The following SVEP1 variants were observed in gnomAD, a reference collection of about 807,000 sequenced individuals.
SVEP1 encodes sushi, von Willebrand factor type A, EGF and pentraxin domain-containing protein 1.
SVEP1 carries 164 observed loss-of-function variants against 367.3 expected under a neutral mutation model. The ratio of observed to expected loss-of-function variants is 0.45; its 90% confidence interval spans 0.39 to 0.51. The LOEUF (loss-of-function observed/expected upper bound fraction) is 0.51. Among genes scored for constraint, SVEP1 ranks in the 20% least tolerant of loss-of-function variants. SVEP1 has a pLI of 0.00. For synonymous variants in SVEP1, 1,666 were observed against 1,611.6 expected, an observed-to-expected ratio of 1.03 and a Z score of -0.81; for missense variants, 4,117 against 4,425.3, an observed-to-expected ratio of 0.93 and a Z score of 1.98.
intron 25 of SVEP1, 55 bp downstream of exon 25, chr9:110,446,842 ATTG>A (rs1390708752): frequency 7.2e-7 from 1 of 1,397,750 alleles, no homozygotes; most frequent in Non-Finnish European, 9.3e-7. Context: ...AATTGGTATT[ATTG>A]TTATTATATT....
At chr9:110,463,845 C>T (rs1194837493) in intron 18 of SVEP1, among the ~76,000 whole-genome samples, 1 of 151,956 alleles carries the variant, frequency 6.6e-6, no homozygotes, top group African/African-American at 2.4e-5. Flanking sequence ...AATGTTTATC[C>T]AGCACCGCAG....
chr9:110,546,905 A>G (rs1830227789), intron 2 of SVEP1, among the ~76,000 whole-genome samples: 2 of 152,220 alleles, frequency 1.3e-5, no homozygotes, highest in African/African-American at 4.8e-5. Flanking sequence ...CAGGGTGGGT[A>G]AGGTTGAATA....
chr9:110,536,563 T>C (rs993816990), intron 3 of SVEP1, among the ~76,000 whole-genome samples: 3 of 152,044 alleles, frequency 2.0e-5, no homozygotes, highest in African/African-American at 7.2e-5. Context: ...TCAAAAGAAA[T>C]GTGAACTTCT....
At chr9:110,546,994 G>A (rs1307394039) in intron 2 of SVEP1, among the ~76,000 whole-genome samples, 3 of 152,174 alleles carry the variant, frequency 2.0e-5, no homozygotes, top group Admixed American at 6.5e-5. Context: ...GAAAGTTTTA[G>A]ACTAAATTCC....
intron 36 of SVEP1, among the ~76,000 whole-genome samples, chr9:110,423,147 TA>T (rs1231531948): frequency 6.5e-5 from 3 of 46,294 alleles, no homozygotes; most frequent in African/African-American, 2.5e-4. Flanking sequence ...AAAAAAAAAA[TA>T]AAAAAATAAA....
rs530643816 is a variant in SVEP1, at chr9:110,550,717, G to A, written c.532-613C>T. On this transcript the variant is annotated intron_variant, in intron 1 of 47. Transcript: ENST00000374469. ...CATCTTTTTGGACCACCCGGTACTA[G>A]CATAAAAATAGCTAGTTTTGGTGGT... is the stretch of plus-strand genomic sequence containing the variant. 7.9e-5 allele frequency among the ~76,000 whole-genome samples: 12 copies of A among 152,252 alleles called. No individual in the cohort carries two copies. In the East Asian group the frequency reaches 1.4e-3, roughly 17 times the overall value.
At chr9:110,430,086 CTTTT>C (rs1564140496) in intron 33 of SVEP1, 82 bp from the exon 34 acceptor site, 4 of 1,333,408 alleles carry the variant, frequency 3.0e-6, no homozygotes, top group East Asian at 5.1e-5. Flanking sequence ...AGCTCAAGAT[CTTTT>C]TTTGTTTGTT....
At position 110,448,785 on chromosome 9, in the gene SVEP1, A is replaced by G. The variant is rs1481559630; in HGVS notation, c.4103+1274T>C. ...TTCTCATTGTCTACAGTTATGTACT[A>G]TATGCCAGAAAATGTCAAACACCCA... On this transcript the variant is annotated intron_variant, in intron 24 of 47. Transcript: ENST00000374469. Among the ~76,000 whole-genome samples the G allele has an allele frequency of 2.6e-5, 4 of 152,234 alleles. 1 individual carries two copies. Among genetic ancestry groups the G allele is most frequent in the Non-Finnish European group, 5.9e-5 (4 of 68,040 alleles).
At chr9:110,376,241 A>T (rs1827348826) in intron 45 of SVEP1, among the ~76,000 whole-genome samples, 1 of 152,144 alleles carries the variant, frequency 6.6e-6, no homozygotes, top group Non-Finnish European at 1.5e-5. Flanking sequence ...CACTGGTATA[A>T]TGAAGGAGGG....
At chr9:110,451,618 A>G (rs564721973) in intron 22 of SVEP1, among the ~76,000 whole-genome samples, 1 of 152,358 alleles carries the variant, frequency 6.6e-6, no homozygotes, top group African/African-American at 2.4e-5. Flanking sequence ...GCAATGGAAA[A>G]TGATAACCAC....
chr9:110,568,468 A>C (rs1022555229), intron 1 of SVEP1, among the ~76,000 whole-genome samples: 6 of 152,194 alleles, frequency 3.9e-5, no homozygotes, highest in Non-Finnish European at 7.3e-5. Context: ...CTTTTATTGC[A>C]AACATACTGA....
chr9:110,550,150 C>G (rs1312300519), intron 1 of SVEP1, 46 bp from the exon 2 acceptor site: 1 of 1,602,982 alleles, frequency 6.2e-7, no homozygotes, highest in Non-Finnish European at 8.5e-7. Flanking sequence ...ACTGTCTTGC[C>G]TACTGTGTGC....
At chr9:110,388,533 C>T (rs1827561503) in intron 41 of SVEP1, among the ~76,000 whole-genome samples, 1 of 152,066 alleles carries the variant, frequency 6.6e-6, no homozygotes, top group African/African-American at 2.4e-5. Flanking sequence ...TTAAAAATTC[C>T]CCAAACAATT....
rs1564131504 is a variant in SVEP1, at chr9:110,401,129, G to A, written c.9667-120C>T. On this transcript the variant is annotated intron_variant, in intron 39 of 47. Transcript: ENST00000374469. Reference sequence around the variant, plus strand: ...CAAAATGATAGTCAAAAGCACCCAGGGTTTGGTCCTACTTTTGCTACTTAT... The same window carrying A: ...CAAAATGATAGTCAAAAGCACCCAGAGTTTGGTCCTACTTTTGCTACTTAT... 3.3e-6 allele frequency: 4 copies of A among 1,218,770 alleles called. 1 individual carries two copies. The African/African-American group carries it at 4.6e-5, about 14-fold the overall frequency. The allele number at this position is 1,218,770 out of a possible 1,614,324, so 75.5% of individuals were successfully genotyped here.
chr9:110,435,468 G>C, intron 28 of SVEP1, 104 bp from the exon 29 acceptor site: 1 of 1,348,406 alleles, frequency 7.4e-7, no homozygotes, highest in South Asian at 1.4e-5. Flanking sequence ...ATTTTTTAGA[G>C]ATGGGGGTGG....
intron 3 of SVEP1, among the ~76,000 whole-genome samples, chr9:110,537,729 C>T (rs1454550735): frequency 6.6e-6 from 1 of 151,748 alleles, no homozygotes; most frequent in African/African-American, 2.4e-5. Context: ...GAAACTGATA[C>T]AATAATTTTA....
At chr9:110,441,956 T>C (rs1255756489) in intron 27 of SVEP1, among the ~76,000 whole-genome samples, 1 of 152,224 alleles carries the variant, frequency 6.6e-6, no homozygotes, top group Non-Finnish European at 1.5e-5. Context: ...TTACGTGATT[T>C]GGCCATGTCC....
rs774901146 is a variant in SVEP1 at position 110,469,094 on chromosome 9, G to A, written c.3006C>T (p.Cys1002=). The A allele has an allele frequency of 3.7e-6, 6 of 1,610,310 alleles. No homozygotes were observed. Among genetic ancestry groups the A allele is most frequent in the Non-Finnish European group, 4.2e-6 (5 of 1,177,990 alleles). ...SVLRGRMCVN[C]PLGTYYNLEH... The stretch of plus-strand genomic sequence containing the variant: ...CCAGATTATAATAGGTTCCCAAAGG[G>A]CAATTGACTACAGAAAAAGCAAACA... The change falls in exon 17 of 48, where the codon TGC becomes TGT. Residue 1002 remains cysteine (C), a synonymous_variant. Coordinates refer to ENST00000374469, the MANE Select transcript of SVEP1 (RefSeq NM_153366.4).
At chr9:110,458,849 C>T in intron 19 of SVEP1, 103 bp downstream of exon 19, 1 of 1,421,742 alleles carries the variant, frequency 7.0e-7, no homozygotes, top group Non-Finnish European at 9.5e-7. Flanking sequence ...TCCAGATGCC[C>T]AAATCCACCG....
Sources: allele counts gnomAD v4.1 joint callset (sites outside exome capture counted in the v4.1 genomes callset), GRCh38; gene constraint gnomAD v4.1.1; transcripts MANE v1.5; gene names NCBI Gene and HGNC (gene_info 2026-07-23, HGNC 2026-07-21).